Variants in MCEE observed in about 807,000 individuals in gnomAD.
MCEE encodes methylmalonyl-CoA epimerase.
MCEE carries 6 observed loss-of-function variants against 12.9 expected under a neutral mutation model. The ratio of observed to expected loss-of-function variants is 0.47; its 90% CI spans 0.26 to 0.92. MCEE has a LOEUF of 0.92. MCEE is among the 40% of genes least tolerant of loss of function. MCEE has a pLI of 0.16. For missense variants in MCEE, 214 were observed against 212.1 expected (o/e 1.01, Z -0.05); for synonymous variants, 78 against 77.9 (o/e 1.00, Z -0.01).
At chr2:71,118,934 T>A (rs1673047218) in intron 2 of MCEE, among the ~76,000 whole-genome samples, 1 of 149,358 alleles carries the variant, frequency 6.7e-6, no homozygotes, top group Non-Finnish European at 1.5e-5. Flanking sequence ...GGGCACTCAG[T>A]CTCTGGCTTC....
intron 2 of MCEE, among the ~76,000 whole-genome samples, chr2:71,120,008 G>A (rs752934094): frequency 6.7e-6 from 1 of 149,710 alleles, no homozygotes; most frequent in African/African-American, 2.6e-5. Flanking sequence ...CGTAATGATT[G>A]TGCCACTGCA....
At chr2:71,130,068 G>A in intron 1 of MCEE, 112 bp downstream of exon 1, 3 of 1,106,530 alleles carry the variant, frequency 2.7e-6, no homozygotes, top group East Asian at 2.6e-5. Flanking sequence ...CGCGCCCCCG[G>A]GGGAGGACAT....
intron 2 of MCEE, among the ~76,000 whole-genome samples, chr2:71,111,238 C>G (rs1031749216): frequency 6.6e-6 from 1 of 152,184 alleles, no homozygotes; most frequent in Non-Finnish European, 1.5e-5. Flanking sequence ...TTCATGACAT[C>G]TTGCACTGTA....
chr2:71,124,168 G>C, intron 2 of MCEE, 38 bp downstream of exon 2: 2 of 1,457,532 alleles, frequency 1.4e-6, no homozygotes, highest in Non-Finnish European at 1.9e-6. Flanking sequence ...TTTTAAAAGA[G>C]AGATTTAAAA....
intron 2 of MCEE, among the ~76,000 whole-genome samples, chr2:71,112,789 T>C (rs532104753): frequency 2.6e-5 from 4 of 152,284 alleles, no homozygotes; most frequent in African/African-American, 4.8e-5. Context: ...CTTGAAACCA[T>C]AGAGTGATGT....
intron 1 of MCEE, among the ~76,000 whole-genome samples, chr2:71,126,068 T>A (rs944520416): frequency 6.6e-5 from 10 of 151,926 alleles, no homozygotes; most frequent in African/African-American, 2.2e-4. Flanking sequence ...AGGCTGCCCA[T>A]GTTGCTCCTG....
intron 2 of MCEE, among the ~76,000 whole-genome samples, chr2:71,119,370 AC>A (rs1164959196): frequency 6.7e-6 from 1 of 148,742 alleles, no homozygotes; most frequent in East Asian, 2.5e-4. Flanking sequence ...ACATTTCAAC[AC>A]AGACAAAGTA....
rs753895225 is a variant in MCEE, at chr2:71,130,172, G to C, written c.40+8C>G. On this transcript the variant is annotated splice_region_variant and intron_variant, in intron 1 of 2. Coordinates refer to ENST00000244217, the MANE Select transcript of MCEE (RefSeq NM_032601.4). ...CCATGGCGAAGGTCGCCGGTGCCCG[G>C]TATTCACCTACGGCATTCGCGGCTG... The C allele has an allele frequency of 5.6e-6, 9 of 1,608,552 alleles. No individual in the cohort carries two copies. The highest frequency in any genetic ancestry group is 1.3e-5 in the African/African-American group (1 of 74,888).
chr2:71,115,061 A>G (rs1281147979), intron 2 of MCEE, among the ~76,000 whole-genome samples: 1 of 152,192 alleles, frequency 6.6e-6, no homozygotes, highest in African/African-American at 2.4e-5. Context: ...CTCCTTCTTC[A>G]ATATCCCTCA....
chr2:71,115,978 G>A (rs1448351387), intron 2 of MCEE, among the ~76,000 whole-genome samples: 1 of 149,608 alleles, frequency 6.7e-6, no homozygotes, highest in Non-Finnish European at 1.5e-5. Context: ...AAAAGGGGGG[G>A]GTTATGGTTT....
chr2:71,126,735 T>C (rs558586116), intron 1 of MCEE, among the ~76,000 whole-genome samples: 10 of 152,348 alleles, frequency 6.6e-5, no homozygotes, highest in Non-Finnish European at 1.3e-4. Context: ...AATTGAACTC[T>C]TAATTATTAT....
At chr2:71,129,421 A>G (rs922400748) in intron 1 of MCEE, among the ~76,000 whole-genome samples, 8 of 152,040 alleles carry the variant, frequency 5.3e-5, no homozygotes, top group African/African-American at 1.9e-4. Flanking sequence ...CTGGGGCATT[A>G]CCACTTGGCA....
Position 71,124,149 on chromosome 2 carries a change from G to T in MCEE, c.378+57C>A, listed in dbSNP as rs1673164882. 7 of 1,318,394 alleles carry T rather than the reference G, an allele frequency of 5.3e-6. No homozygotes were observed. In the Admixed American group the frequency reaches 1.3e-4, roughly 25 times the overall value. The allele number at this position is 1,318,394 out of a possible 1,614,324, so 81.7% of individuals were successfully genotyped here. A position where few individuals can be genotyped will look rare whatever the true frequency, so the allele number is the denominator to read the frequency against. On this transcript the variant is annotated intron_variant, in intron 2 of 2. Transcript: ENST00000244217. Reference sequence around the variant, plus strand: ...TGACCATAAATAGACTTAAAAAGTAGAAGACATTTTTTAAAAGAGAGATTT... The same window carrying T: ...TGACCATAAATAGACTTAAAAAGTATAAGACATTTTTTAAAAGAGAGATTT...
intron 1 of MCEE, among the ~76,000 whole-genome samples, chr2:71,128,893 G>A (rs1211857846): frequency 1.3e-5 from 2 of 151,498 alleles, no homozygotes; most frequent in Non-Finnish European, 2.9e-5. Flanking sequence ...GGGAGGCTGA[G>A]GCGGAAGAAT....
chr2:71,129,236 A>G (rs1414411733), intron 1 of MCEE, among the ~76,000 whole-genome samples: 1 of 152,194 alleles, frequency 6.6e-6, no homozygotes, highest in Non-Finnish European at 1.5e-5. Flanking sequence ...CAAACTGTCA[A>G]TCATTAAAGT....
rs376413066 is a variant in MCEE, at chr2:71,126,920, A to G, written c.41-2377T>C. On this transcript the variant is annotated intron_variant, in intron 1 of 2. Coordinates refer to ENST00000244217, the MANE Select transcript of MCEE (RefSeq NM_032601.4). ...TATTTTTATTTCAGGTTGCCCTCCAACTAGCAGGAATTCACAGCTCTTTAG... is the reference window on the plus strand; with the variant it reads ...TATTTTTATTTCAGGTTGCCCTCCAGCTAGCAGGAATTCACAGCTCTTTAG... Among the ~76,000 whole-genome samples, 10 of 152,346 alleles carry G rather than the reference A, an allele frequency of 6.6e-5. 1 individual carries two copies. The highest frequency in any genetic ancestry group is 2.4e-4 in the African/African-American group (10 of 41,590).
chr2:71,127,630 G>A (rs1470021777), intron 1 of MCEE, among the ~76,000 whole-genome samples: 2 of 115,264 alleles, frequency 1.7e-5, no homozygotes, highest in South Asian at 3.2e-4. Flanking sequence ...CACGTAATAA[G>A]TTTGTTTGTT....
intron 2 of MCEE, among the ~76,000 whole-genome samples, chr2:71,111,454 T>C (rs948852328): frequency 2.6e-5 from 4 of 152,126 alleles, no homozygotes; most frequent in Non-Finnish European, 5.9e-5. Flanking sequence ...CTAGGACTAA[T>C]TTTCCTCACT....
chr2:71,122,584 G>C lies in MCEE; in HGVS notation c.378+1622C>G, dbSNP rs557449092. On this transcript the variant is annotated intron_variant, in intron 2 of 2. Transcript: ENST00000244217. ...TCTTACATGGATGGCAGCAGGCAAAGAGAGACAGATTGGGCAGGGAAAATC... is the reference window on the plus strand; with the variant it reads ...TCTTACATGGATGGCAGCAGGCAAACAGAGACAGATTGGGCAGGGAAAATC... 2.6e-5 allele frequency among the ~76,000 whole-genome samples: 4 copies of C among 152,314 alleles called. No homozygotes were observed. The East Asian group carries it at 7.7e-4, about 29-fold the overall frequency.
Sources: gnomAD v4.1 joint callset for allele counts (sites outside exome capture counted in the v4.1 genomes callset) on GRCh38, gnomAD v4.1.1 for gene constraint, MANE v1.5 for transcripts, NCBI Gene and HGNC (gene_info 2026-07-23, HGNC 2026-07-21) for gene names.